The following NRXN1 variants were observed in gnomAD, a reference collection of about 807,000 sequenced individuals.
NRXN1 encodes neurexin 1.
NRXN1 carries 39 observed loss-of-function variants against 150.9 expected under a neutral mutation model. The observed-to-expected ratio is 0.26, with a 90% CI of 0.20 to 0.34. The LOEUF is 0.34. Among genes scored for constraint, NRXN1 ranks in the 10% least tolerant of loss-of-function variants. The pLI, the probability that NRXN1 is intolerant of heterozygous loss-of-function variation, is 1.00. For synonymous variants in NRXN1, 924 were observed against 757.0 expected (o/e 1.22, Z -3.62); for missense variants, 1,815 against 1,949.9 (o/e 0.93, Z 1.30).
intron 17 of NRXN1, among the ~76,000 whole-genome samples, chr2:50,297,393 C>A (rs1329260892): frequency 6.6e-6 from 1 of 152,100 alleles, no homozygotes; most frequent in Non-Finnish European, 1.5e-5. Context: ...TTTTAATTCA[C>A]AGAACTACCT....
chr2:50,125,774 G>C (rs1422256062), intron 18 of NRXN1, among the ~76,000 whole-genome samples: 2 of 152,040 alleles, frequency 1.3e-5, no homozygotes. Flanking sequence ...TTCCCATAGA[G>C]TTTAACATGC....
chr2:50,611,237 G>A (rs2104088010), intron 8 of NRXN1, among the ~76,000 whole-genome samples: 1 of 152,068 alleles, frequency 6.6e-6, no homozygotes, highest in Middle Eastern at 3.4e-3. Context: ...AATGTATCAA[G>A]TCCTCAGAAT....
At chr2:50,573,775 T>G (rs140575801) in intron 8 of NRXN1, among the ~76,000 whole-genome samples, 6 of 151,232 alleles carry the variant, frequency 4.0e-5, no homozygotes, top group African/African-American at 1.5e-4. Context: ...AATACAATAA[T>G]AAAATGATAC....
intron 18 of NRXN1, among the ~76,000 whole-genome samples, chr2:50,221,401 C>T (rs587928): frequency 0.44 from 67,380 of 151,774 alleles, 15,300 homozygotes; most frequent in African/African-American, 0.51. Flanking sequence ...TAGACAGCCA[C>T]GGCATTAACA....
chr2:50,575,504 C>T (rs1671307613), intron 8 of NRXN1, among the ~76,000 whole-genome samples: 1 of 152,170 alleles, frequency 6.6e-6, no homozygotes, highest in African/African-American at 2.4e-5. Flanking sequence ...CGTTTAATGA[C>T]AGGCTCTGTA....
intron 15 of NRXN1, among the ~76,000 whole-genome samples, chr2:50,477,774 T>C (rs1345258876): frequency 6.6e-6 from 1 of 152,184 alleles, no homozygotes; most frequent in Non-Finnish European, 1.5e-5. Context: ...CTTTTATAAA[T>C]GGCATTTGGG....
Position 50,290,230 on chromosome 2 carries a change from A to T in NRXN1, c.3365-53260T>A, listed in dbSNP as rs550599700. Among the ~76,000 whole-genome samples, 8 of 152,316 alleles carry T rather than the reference A, an allele frequency of 5.3e-5. No homozygotes were observed. The South Asian group carries it at 1.7e-3, about 32-fold the overall frequency. ...ATGAGTAGTATTTCTTTCCCATAAA[A>T]GAAAAGATTCATGTGGCACTTAATT... is the stretch of plus-strand genomic sequence containing the variant. On this transcript the variant is annotated intron_variant, in intron 17 of 22. Coordinates refer to ENST00000401669, the MANE Select transcript of NRXN1 (RefSeq NM_001330078.2).
intron 2 of NRXN1, among the ~76,000 whole-genome samples, chr2:50,992,383 C>A (rs1335685671): frequency 6.6e-6 from 1 of 151,932 alleles, no homozygotes; most frequent in African/African-American, 2.4e-5. Context: ...TACCCTCAAA[C>A]CTTTTATTAA....
At chr2:50,142,164 G>A (rs990601534) in intron 18 of NRXN1, among the ~76,000 whole-genome samples, 2 of 152,022 alleles carry the variant, frequency 1.3e-5, no homozygotes, top group African/African-American at 4.8e-5. Context: ...CAACATGAAT[G>A]AAACTGAAGG....
At chr2:50,684,444 G>C (rs1690926884) in intron 5 of NRXN1, among the ~76,000 whole-genome samples, 4 of 152,002 alleles carry the variant, frequency 2.6e-5, no homozygotes, top group Admixed American at 2.6e-4. Context: ...CAAAACTGCA[G>C]TAAGCTGTGA....
At chr2:50,366,975 T>C in intron 17 of NRXN1, among the ~76,000 whole-genome samples, 1 of 151,976 alleles carries the variant, frequency 6.6e-6, no homozygotes, top group East Asian at 1.9e-4. Context: ...CTAATGGATA[T>C]AACTATTTTC....
intron 21 of NRXN1, among the ~76,000 whole-genome samples, chr2:50,027,755 C>A (rs1016330323): frequency 6.6e-6 from 1 of 152,118 alleles, no homozygotes; most frequent in African/African-American, 2.4e-5. Flanking sequence ...TTTTGCAGGG[C>A]CCTGCATATT....
chr2:50,203,951 T>C (rs1051729204), intron 18 of NRXN1, among the ~76,000 whole-genome samples: 2 of 152,114 alleles, frequency 1.3e-5, no homozygotes, highest in Non-Finnish European at 2.9e-5. Flanking sequence ...AATCCAAATC[T>C]GAGAGAAAAA....
At chr2:50,083,849 TAC>T (rs1558840680) in intron 19 of NRXN1, among the ~76,000 whole-genome samples, 2 of 151,860 alleles carry the variant, frequency 1.3e-5, no homozygotes, top group Non-Finnish European at 1.5e-5. Context: ...CTGAGCTAGA[TAC>T]AGAGTGCTGA....
chr2:50,618,603 T>C (rs60666301), intron 8 of NRXN1, among the ~76,000 whole-genome samples: 2,888 of 152,082 alleles, frequency 0.019, 94 homozygotes, highest in East Asian at 0.13. Flanking sequence ...TAGACTTTCA[T>C]ACTTGTTAGT....
rs556027913 is a variant in NRXN1 at position 50,858,186 on chromosome 2, T to C, written c.832+63683A>G. 7.2e-5 allele frequency among the ~76,000 whole-genome samples: 11 copies of C among 152,200 alleles called. No individual in the cohort carries two copies. The South Asian group carries it at 2.3e-3, about 32-fold the overall frequency. On this transcript the variant is annotated intron_variant, in intron 5 of 22. Coordinates refer to ENST00000401669, the MANE Select transcript of NRXN1 (RefSeq NM_001330078.2). ...TCAACAGGCTGGTTGAATTAAGCTC[T>C]ACATATTCATCAACAGGCATTGCCA...
chr2:50,974,690 C>T (rs1339195279), intron 2 of NRXN1, among the ~76,000 whole-genome samples: 3 of 151,742 alleles, frequency 2.0e-5, no homozygotes, highest in African/African-American at 4.8e-5. Context: ...TTTTTTTTCC[C>T]ATCTAAAATC....
intron 17 of NRXN1, among the ~76,000 whole-genome samples, chr2:50,454,047 G>C (rs910216970): frequency 2.6e-5 from 4 of 152,114 alleles, no homozygotes; most frequent in African/African-American, 4.8e-5. Context: ...TAATATACAG[G>C]CCAGGTGAGG....
At chr2:50,302,932 TCCATCC>T in intron 17 of NRXN1, among the ~76,000 whole-genome samples, 1 of 110,186 alleles carries the variant, frequency 9.1e-6, no homozygotes, top group Admixed American at 9.5e-5. Context: ...CATCCATCCA[TCCATCC>T]ACCCATCCAT....
Sources: gnomAD v4.1 joint callset for allele counts (sites outside exome capture counted in the v4.1 genomes callset) on GRCh38, gnomAD v4.1.1 for gene constraint, MANE v1.5 for transcripts, NCBI Gene and HGNC (gene_info 2026-07-23, HGNC 2026-07-21) for gene names.